The following CEMP1 variants were observed in gnomAD, a reference collection of about 807,000 sequenced individuals.
CEMP1 encodes cementum protein 1, also known as cementoblastoma-derived protein 1.
For missense variants in CEMP1, 387 were observed against 316.9 expected, an observed-to-expected ratio of 1.22 and a Z score of -1.68; for synonymous variants, 161 against 128.6, an observed-to-expected ratio of 1.25 and a Z score of -1.71.
rs2141916934 is a variant in CEMP1, at chr16:2,530,639, C to T, written c.435G>A (p.Gln145=). ...TGGCTCTGCCACTGTTCTCTTCCCT[C>T]TGCTGCAAAGCCCAGTTAAGGAAAT... ...WRHFLNWALQ[Q]REENSGRARR... is the part of the protein sequence containing the mutation. The change falls in exon 1 of 1, where the codon CAG becomes CAA. Residue 145 remains glutamine, a synonymous_variant. Transcript: ENST00000567119. The T allele has an allele frequency of 6.2e-7, 1 of 1,614,222 alleles. No individual in the cohort carries two copies. The highest frequency in any genetic ancestry group is 8.5e-7 in the Non-Finnish European group (1 of 1,180,034).
Position 2,530,124 on chromosome 16 carries a change from T to C in CEMP1, c.*206A>G, listed in dbSNP as rs2066065736. ...CAGGGCACAGTGCCAGGGGCTCCGC[T>C]CTGACCTCCAGGAGGGAGACTGGGC... On this transcript the variant is annotated 3_prime_UTR_variant, in exon 1 of 1. Coordinates refer to ENST00000567119, the MANE Select transcript of CEMP1 (RefSeq NM_001048212.3). 1 of 1,324,524 alleles carries C rather than the reference T, an allele frequency of 7.5e-7. No individual in the cohort carries two copies. The highest frequency in any genetic ancestry group is 1.0e-6 in the Non-Finnish European group (1 of 994,142). 82.0% of individuals were successfully genotyped at this position (1,324,524 alleles called of 1,614,324 possible).
chr16:2,531,117 C>CA lies in CEMP1; in HGVS notation c.-45dup, dbSNP rs765539558. The CA allele has an allele frequency of 2.6e-6, 4 of 1,537,724 alleles. No individual in the cohort carries two copies. In the South Asian group the frequency reaches 3.7e-5, roughly 14 times the overall value. ...GCTGGCATGTTGGTCATCCCCACCT[C>CA]AGACGGGACGCCCAGTCCAGAGCTG... On this transcript the variant is annotated 5_prime_UTR_variant, in exon 1 of 1. It removes the in-frame stop codon of an upstream open reading frame in the 5' UTR. Transcript: ENST00000567119.
chr16:2,531,147 G>T lies in CEMP1; in HGVS notation c.-74C>A. 1 of 1,513,714 alleles carries T rather than the reference G, an allele frequency of 6.6e-7. No individual in the cohort carries two copies. The highest frequency in any genetic ancestry group is 8.9e-7 in the Non-Finnish European group (1 of 1,127,350). 93.8% of individuals were successfully genotyped at this position (1,513,714 alleles called of 1,614,324 possible). A position where few individuals can be genotyped will look rare whatever the true frequency, so the allele number is the denominator to read the frequency against. ...GGGACGCCCAGTCCAGAGCTGGTGA[G>T]CCCTGGGCCAGCCTTTGGGCCTGGC... is the stretch of plus-strand genomic sequence containing the variant. On this transcript the variant is annotated 5_prime_UTR_variant, in exon 1 of 1. Coordinates refer to ENST00000567119, the MANE Select transcript of CEMP1 (RefSeq NM_001048212.3).
rs1252821657 is a variant in CEMP1 at position 2,530,285 on chromosome 16, T to C, written c.*45A>G. 6.2e-7 allele frequency: 1 copy of C among 1,613,440 alleles called. No individual in the cohort carries two copies. The highest frequency in any genetic ancestry group is 8.5e-7 in the Non-Finnish European group (1 of 1,179,820). ...CAGTGCTTGCCGGCTGTGGTGACCC[T>C]GCCTGGTGCTGGAGGGCAGTATGGG... On this transcript the variant is annotated 3_prime_UTR_variant, in exon 1 of 1. Coordinates refer to ENST00000567119, the MANE Select transcript of CEMP1 (RefSeq NM_001048212.3).
Sources: allele counts gnomAD v4.1 joint callset, GRCh38; gene constraint gnomAD v4.1.1; transcripts MANE v1.5; gene names NCBI Gene and HGNC (gene_info 2026-07-23, HGNC 2026-07-21).